Variants in L2HGDH observed in about 807,000 individuals in gnomAD.
L2HGDH encodes the protein L-2-hydroxyglutarate dehydrogenase, mitochondrial.
A neutral mutation model predicts 51.5 loss-of-function variants in L2HGDH; 34 were observed. That is an observed-to-expected ratio of 0.66 (90% CI 0.50 to 0.88). The LOEUF is 0.88. Among genes scored for constraint, L2HGDH ranks in the 40% least tolerant of loss-of-function variants. L2HGDH has a pLI of 0.00. For missense variants in L2HGDH, 558 were observed against 571.9 expected (o/e 0.98, Z 0.25); for synonymous variants, 198 against 197.9 (o/e 1.00, Z -0.01).
intron 6 of L2HGDH, among the ~76,000 whole-genome samples, chr14:50,270,857 G>A (rs565971711): frequency 6.6e-6 from 1 of 152,012 alleles, no homozygotes; most frequent in East Asian, 1.9e-4. Flanking sequence ...ACCTCTATAT[G>A]TATCCTATTT....
intron 9 of L2HGDH, among the ~76,000 whole-genome samples, chr14:50,256,040 G>A (rs1888649071): frequency 6.6e-6 from 1 of 152,036 alleles, no homozygotes; most frequent in Non-Finnish European, 1.5e-5. Context: ...AACAAGAACA[G>A]CTGAATGTGT....
rs191612242 is a variant in L2HGDH, at chr14:50,244,837, G to T, written c.*2221C>A. The T allele has an allele frequency of 2.0e-6, 2 of 985,424 alleles. No homozygotes were observed. Among genetic ancestry groups the T allele is most frequent in the East Asian group, 2.3e-4 (2 of 8,818 alleles). 61.0% of individuals were successfully genotyped at this position (985,424 alleles called of 1,614,324 possible). On this transcript the variant is annotated 3_prime_UTR_variant, in exon 10 of 10. Coordinates refer to ENST00000267436, the MANE Select transcript of L2HGDH (RefSeq NM_024884.3). ...CACCCATCCATCATACAGCTTTGGA[G>T]AGCTAAGAGGAAAGAAGACATACAC...
intron 4 of L2HGDH, among the ~76,000 whole-genome samples, chr14:50,291,197 CAAAAAAA>C (rs1159640500): frequency 9.8e-5 from 3 of 30,644 alleles, no homozygotes; most frequent in Non-Finnish European, 2.1e-4. Context: ...GACTCCGTCT[CAAAAAAA>C]AAAAAAAAAA....
chr14:50,309,305 G>A (rs1260730519), intron 1 of L2HGDH, among the ~76,000 whole-genome samples: 1 of 152,178 alleles, frequency 6.6e-6, no homozygotes, highest in African/African-American at 2.4e-5. Context: ...GCTCATGCCT[G>A]TAATCCCAAT....
chr14:50,283,602 T>A (rs1187435225), intron 5 of L2HGDH, among the ~76,000 whole-genome samples: 2 of 152,226 alleles, frequency 1.3e-5, no homozygotes, highest in Non-Finnish European at 2.9e-5. Flanking sequence ...GTCCCTCATA[T>A]AAAATGCATA....
At chr14:50,265,589 A>G (rs1015678399) in intron 8 of L2HGDH, 100 bp from the exon 9 acceptor site, 16 of 1,121,978 alleles carry the variant, frequency 1.4e-5, no homozygotes, top group African/African-American at 1.6e-5. Context: ...CATCACAAAA[A>G]TCTAGGCAAA....
rs756674907 is a variant in L2HGDH at position 50,294,262 on chromosome 14, G to C, written c.409-16C>G. 1.9e-6 allele frequency: 3 copies of C among 1,593,522 alleles called. No individual in the cohort carries two copies. The highest frequency in any genetic ancestry group is 1.7e-5 in the Admixed American group (1 of 59,550). ...CTACTATAAGCTTCAAAAAAAAAAA[G>C]GTAAGGAGCATGGATAGAGGTGAAT... On this transcript the variant is annotated splice_polypyrimidine_tract_variant and intron_variant, in intron 3 of 9. Coordinates refer to ENST00000267436, the MANE Select transcript of L2HGDH (RefSeq NM_024884.3).
chr14:50,308,075 G>A (rs1257626014), intron 1 of L2HGDH, among the ~76,000 whole-genome samples: 1 of 152,130 alleles, frequency 6.6e-6, no homozygotes, highest in Admixed American at 6.5e-5. Context: ...ATACATAAAA[G>A]AACTCTCAAA....
At chr14:50,287,666 A>G (rs1182190385) in intron 4 of L2HGDH, among the ~76,000 whole-genome samples, 2 of 147,302 alleles carry the variant, frequency 1.4e-5, no homozygotes, top group Admixed American at 6.8e-5. Flanking sequence ...TTTAGTTGAC[A>G]CATAATTATA....
At chr14:50,274,070 C>A (rs1300251278) in intron 6 of L2HGDH, among the ~76,000 whole-genome samples, 1 of 151,884 alleles carries the variant, frequency 6.6e-6, no homozygotes, top group African/African-American at 2.4e-5. Context: ...AAGAGTGAAA[C>A]CCCATCTCAA....
rs1887953133 is a variant in L2HGDH, at chr14:50,245,466, T to C, written c.*1592A>G. On this transcript the variant is annotated 3_prime_UTR_variant, in exon 10 of 10. Coordinates refer to ENST00000267436, the MANE Select transcript of L2HGDH (RefSeq NM_024884.3). ...ACATCAGTTACAAAGAGACTGGAAA[T>C]AATAAAGGCTTTGAGTTTGTTTTGT... 1 of 984,110 alleles carries C rather than the reference T, an allele frequency of 1.0e-6. No homozygotes were observed. Among genetic ancestry groups the C allele is most frequent in the Middle Eastern group, 5.2e-4 (1 of 1,912 alleles). The allele number at this position is 984,110 out of a possible 1,614,324, so 61.0% of individuals were successfully genotyped here.
chr14:50,299,319 G>A (rs996889496), intron 3 of L2HGDH, among the ~76,000 whole-genome samples: 2 of 152,074 alleles, frequency 1.3e-5, no homozygotes, highest in African/African-American at 2.4e-5. Flanking sequence ...CAATAAGATC[G>A]AAGCCATAAT....
intron 3 of L2HGDH, among the ~76,000 whole-genome samples, chr14:50,301,755 G>A (rs1158019684): frequency 6.6e-6 from 1 of 152,114 alleles, no homozygotes; most frequent in Non-Finnish European, 1.5e-5. Context: ...GGTGATGATT[G>A]CTCAGCTCTA....
chr14:50,312,037 A>G lies in L2HGDH; in HGVS notation c.114T>C (p.Cys38=), dbSNP rs969933626. 1.3e-6 allele frequency: 2 copies of G among 1,581,400 alleles called. No individual in the cohort carries two copies. The highest frequency in any genetic ancestry group is 1.7e-6 in the Non-Finnish European group (2 of 1,165,982). The change falls in exon 1 of 10, where the codon TGT becomes TGC. Residue 38 remains cysteine, a synonymous_variant. Coordinates refer to ENST00000267436, the MANE Select transcript of L2HGDH (RefSeq NM_024884.3). Reference sequence around the variant, plus strand: ...TGGTGCTGGCGCTGCGGCTACCTCCACACAGCGGTCTTGGCCTCCCAGACG... The same window carrying G: ...TGGTGCTGGCGCTGCGGCTACCTCCGCACAGCGGTCTTGGCCTCCCAGACG... ...GFASGRPRPL[C]GGSRSASTSS...
At chr14:50,290,601 C>A (rs543723047) in intron 4 of L2HGDH, among the ~76,000 whole-genome samples, 1 of 152,258 alleles carries the variant, frequency 6.6e-6, no homozygotes, top group Non-Finnish European at 1.5e-5. Context: ...CAGCTACAGA[C>A]AATACATAAC....
intron 9 of L2HGDH, among the ~76,000 whole-genome samples, chr14:50,252,350 A>G (rs1368625106): frequency 1.3e-5 from 2 of 152,072 alleles, no homozygotes; most frequent in Non-Finnish European, 2.9e-5. Flanking sequence ...AGATAGGAAG[A>G]AAGCAAAGAA....
chr14:50,279,412 T>C (rs995010947), intron 5 of L2HGDH, among the ~76,000 whole-genome samples: 3 of 152,198 alleles, frequency 2.0e-5, no homozygotes, highest in Non-Finnish European at 4.4e-5. Flanking sequence ...GAGTTCCAAA[T>C]GGCCAGGTCA....
At chr14:50,306,193 G>A (rs1485900350) in intron 1 of L2HGDH, among the ~76,000 whole-genome samples, 1 of 151,998 alleles carries the variant, frequency 6.6e-6, no homozygotes, top group African/African-American at 2.4e-5. Flanking sequence ...TGGGACTACA[G>A]GTGCGCGCCA....
At chr14:50,271,141 C>T (rs1454912113) in intron 6 of L2HGDH, among the ~76,000 whole-genome samples, 1 of 152,200 alleles carries the variant, frequency 6.6e-6, no homozygotes. Context: ...GCGTGAGCCA[C>T]CGCACCCAGC....
Sources: allele counts gnomAD v4.1 joint callset (sites outside exome capture counted in the v4.1 genomes callset), GRCh38; gene constraint gnomAD v4.1.1; transcripts MANE v1.5; gene names NCBI Gene and HGNC (gene_info 2026-07-23, HGNC 2026-07-21).